The following NCCRP1 variants were observed in gnomAD, a reference collection of about 807,000 sequenced individuals.
NCCRP1 encodes F-box only protein 50.
In NCCRP1, 32 loss-of-function variants were observed where a neutral mutation model predicts 34.4. That is an observed-to-expected ratio of 0.93 (90% CI 0.70 to 1.25). NCCRP1 has a LOEUF of 1.25. NCCRP1 is among the 50% of genes most tolerant of loss of function. The pLI is 0.00. For synonymous variants in NCCRP1, 172 were observed against 180.1 expected, an observed-to-expected ratio of 0.95 and a Z score of 0.36; for missense variants, 372 against 391.8, an observed-to-expected ratio of 0.95 and a Z score of 0.43.
chr19:39,198,301 C>T (rs1186764659), intron 3 of NCCRP1, 48 bp downstream of exon 3: 2 of 1,595,304 alleles, frequency 1.3e-6, no homozygotes. Context: ...CCTGCTCCAC[C>T]CTTCCTCACT....
intron 3 of NCCRP1, among the ~76,000 whole-genome samples, chr19:39,198,751 G>T (rs1415682118): frequency 6.6e-6 from 1 of 152,070 alleles, no homozygotes; most frequent in Non-Finnish European, 1.5e-5. Context: ...GAGCCACCGC[G>T]CCTGGCTATT....
Position 39,199,277 on chromosome 19 carries a change from T to C in NCCRP1, c.548+12T>C. On this transcript the variant is annotated intron_variant, in intron 4 of 5. Transcript: ENST00000339852. Reference sequence around the variant, plus strand: ...ACGGTCATGGACTGGTGCGTGCCCCTCCCCTGCCAGCCTGACCCCGTGATC... The same window carrying C: ...ACGGTCATGGACTGGTGCGTGCCCCCCCCCTGCCAGCCTGACCCCGTGATC... 6.2e-7 allele frequency: 1 copy of C among 1,611,506 alleles called. No individual in the cohort carries two copies. The highest frequency in any genetic ancestry group is 2.2e-5 in the East Asian group (1 of 44,814).
In NCCRP1 at chr19:39,197,310, A is replaced by G. The variant is rs2074766797; in HGVS notation, c.328A>G (p.Asn110Asp). ...CTACCGCAACCTGCTGCGCTCGCCCAACCCCGAAGGTGCGCAAGGGCCCAG... is the reference window on the plus strand; with the variant it reads ...CTACCGCAACCTGCTGCGCTCGCCCGACCCCGAAGGTGCGCAAGGGCCCAG... The part of the protein sequence containing the change: ...PLYRNLLRSP[N>D]PEGINIYEPA... The change falls in exon 1 of 6, where the codon AAC becomes GAC. Residue 110 changes from asparagine to aspartate, a missense_variant. By Grantham distance (23) the Asn-to-Asp change is conservative (BLOSUM62 1). Coordinates refer to ENST00000339852, the MANE Select transcript of NCCRP1 (RefSeq NM_001001414.2). The G allele has an allele frequency of 6.1e-6, 9 of 1,467,342 alleles. No homozygotes were observed. The highest frequency in any genetic ancestry group is 8.0e-6 in the Non-Finnish European group (9 of 1,120,868). 90.9% of individuals were successfully genotyped at this position (1,467,342 alleles called of 1,614,324 possible).
At chr19:39,198,679 G>A (rs575913799) in intron 3 of NCCRP1, among the ~76,000 whole-genome samples, 2 of 152,066 alleles carry the variant, frequency 1.3e-5, no homozygotes, top group Non-Finnish European at 2.9e-5. Context: ...GGCTGGTCTC[G>A]AACTCCTCAC....
chr19:39,198,508 G>A (rs2074772899), intron 3 of NCCRP1, among the ~76,000 whole-genome samples: 2 of 152,176 alleles, frequency 1.3e-5, no homozygotes, highest in African/African-American at 4.8e-5. Context: ...TGCCCAGACT[G>A]GAGTGCAGTG....
At chr19:39,198,306 C>T (rs2074772140) in intron 3 of NCCRP1, 53 bp downstream of exon 3, 1 of 1,589,064 alleles carries the variant, frequency 6.3e-7, no homozygotes, top group Non-Finnish European at 8.6e-7. Context: ...TCCACCCTTC[C>T]TCACTGTGAG....
At position 39,197,362 on chromosome 19, in the gene NCCRP1, G is replaced by A. The variant is rs1359963701; in HGVS notation, c.337+43G>A. On this transcript the variant is annotated intron_variant, in intron 1 of 5. Coordinates refer to ENST00000339852, the MANE Select transcript of NCCRP1 (RefSeq NM_001001414.2). ...GCAGCCAGGAGGCACCACCCTGACC[G>A]TCTGTCTCTTCCTCTTTCCCTGTTT... 8.1e-6 allele frequency: 11 copies of A among 1,364,558 alleles called. No individual in the cohort carries two copies. In the South Asian group the frequency reaches 1.5e-4, roughly 18 times the overall value. The allele number at this position is 1,364,558 out of a possible 1,614,324, so 84.5% of individuals were successfully genotyped here. A position where few individuals can be genotyped will look rare whatever the true frequency, so the allele number is the denominator to read the frequency against.
rs758909469 is a variant in NCCRP1 at position 39,198,211 on chromosome 19, G to A, written c.410G>A (p.Arg137His). 9 of 1,614,020 alleles carry A rather than the reference G, an allele frequency of 5.6e-6. No individual in the cohort carries two copies. The highest frequency in any genetic ancestry group is 2.2e-5 in the South Asian group (2 of 91,090). ...QRPLETLGNFRGWYIRTEKLQ... is the reference protein window; with the variant it reads ...QRPLETLGNFHGWYIRTEKLQ... The stretch of plus-strand genomic sequence containing the variant: ...GCTCCCCAACCTGCAGGCAATTTCC[G>A]TGGCTGGTACATTAGAACTGAAAAG... Residue 137 changes from arginine to histidine, a missense_variant, in exon 3 of 6, where the codon CGT becomes CAT. Transcript: ENST00000339852.
intron 4 of NCCRP1, among the ~76,000 whole-genome samples, chr19:39,199,751 G>T (rs2074779972): frequency 6.6e-6 from 1 of 151,944 alleles, no homozygotes; most frequent in Non-Finnish European, 1.5e-5. Context: ...GACATCAAGT[G>T]ATCTGCCTGC....
At chr19:39,199,376 G>C in intron 4 of NCCRP1, 111 bp downstream of exon 4, 3 of 925,542 alleles carry the variant, frequency 3.2e-6, no homozygotes, top group East Asian at 2.6e-5. Flanking sequence ...GACCCTCCTG[G>C]TGCTACAGGG....
intron 3 of NCCRP1, 89 bp downstream of exon 3, chr19:39,198,342 C>T (rs1320457908): frequency 1.8e-5 from 25 of 1,370,508 alleles, no homozygotes; most frequent in Non-Finnish European, 1.0e-6. Flanking sequence ...CTTGGCCTCT[C>T]TGGACCTCCA....
chr19:39,198,937 T>C (rs2074774742), intron 3 of NCCRP1, among the ~76,000 whole-genome samples: 1 of 152,154 alleles, frequency 6.6e-6, no homozygotes, highest in East Asian at 1.9e-4. Context: ...ACATGTTTGC[T>C]GCTTGACCTT....
In NCCRP1 at chr19:39,200,604, C is replaced by T. The variant is rs762567731; in HGVS notation, c.688-12C>T. The T allele has an allele frequency of 1.2e-6, 2 of 1,613,744 alleles. No individual in the cohort carries two copies. The highest frequency in any genetic ancestry group is 1.7e-6 in the Non-Finnish European group (2 of 1,179,874). On this transcript the variant is annotated splice_polypyrimidine_tract_variant and intron_variant, in intron 5 of 5. Coordinates refer to ENST00000339852, the MANE Select transcript of NCCRP1 (RefSeq NM_001001414.2). The surrounding 1 kb of genome is among the most constrained non-coding windows in gnomAD (Gnocchi z 5.8). ...AAGGGCTCCTCCCTAACCCCAGGTG[C>T]TGTCACCACAGGTGTCCCACGTATT...
chr19:39,199,082 A>G, intron 3 of NCCRP1, 88 bp from the exon 4 acceptor site: 1 of 1,257,254 alleles, frequency 8.0e-7, no homozygotes, highest in South Asian at 1.2e-5. Flanking sequence ...GACCCAAGCT[A>G]TCCCTAAGAA....
At position 39,200,918 on chromosome 19, in the gene NCCRP1, C is replaced by T; in HGVS notation, c.*162C>T. ...GCGGTGGACTCCAGCATTTTCCCAG[C>T]ACTGTCTGAGCCCCATGAGGGCGGA... On this transcript the variant is annotated 3_prime_UTR_variant, in exon 6 of 6. Transcript: ENST00000339852. The surrounding 1 kb of genome is among the most constrained non-coding windows in gnomAD (Gnocchi z 5.8). 1.1e-6 allele frequency: 1 copy of T among 871,080 alleles called. No homozygotes were observed. The highest frequency in any genetic ancestry group is 1.7e-6 in the Non-Finnish European group (1 of 578,058). 54.0% of individuals were successfully genotyped at this position (871,080 alleles called of 1,614,324 possible).
rs371817654 is a variant in NCCRP1, at chr19:39,197,413, T to A, written c.337+94T>A. 119 of 1,078,050 alleles carry A rather than the reference T, an allele frequency of 1.1e-4. No homozygotes were observed. The East Asian group carries it at 3.4e-3, about 31-fold the overall frequency. 66.8% of individuals were successfully genotyped at this position (1,078,050 alleles called of 1,614,324 possible). A position where few individuals can be genotyped will look rare whatever the true frequency, so the allele number is the denominator to read the frequency against. ...CCTTATCTCTCTACCTCTTTGTCTCTCTCTGTCTATGCATTTCTCTGCATC... is the reference window on the plus strand; with the variant it reads ...CCTTATCTCTCTACCTCTTTGTCTCACTCTGTCTATGCATTTCTCTGCATC... On this transcript the variant is annotated intron_variant, in intron 1 of 5. Coordinates refer to ENST00000339852, the MANE Select transcript of NCCRP1 (RefSeq NM_001001414.2).
intron 4 of NCCRP1, among the ~76,000 whole-genome samples, chr19:39,199,498 C>CTTTTTTTTTTCTTTTTTTTTTT (rs1426764949): frequency 1.2e-5 from 1 of 81,308 alleles, no homozygotes; most frequent in Non-Finnish European, 2.8e-5. Context: ...TTTTTTTTTT[C>CTTTTTTTTTTCTTTTTTTTTTT]TTTTTTCTTT....
In NCCRP1 at chr19:39,200,714, A is replaced by C. The variant is rs1357361308; in HGVS notation, c.786A>C (p.Thr262=). 1 of 1,613,668 alleles carries C rather than the reference A, an allele frequency of 6.2e-7. No individual in the cohort carries two copies. Among genetic ancestry groups the C allele is most frequent in the African/African-American group, 1.3e-5 (1 of 75,050 alleles). The stretch of plus-strand genomic sequence containing the variant: ...TGGAGCCTGGTGGGCTGCGGCGGAC[A>C]CGGGTGACCGACTCCTCCGTGTCTG... ...NRMEPGGLRR[T]RVTDSSVSVQ... Residue 262 remains threonine (T), a synonymous_variant, in exon 6 of 6, where the codon ACA becomes ACC. Transcript: ENST00000339852. The surrounding 1 kb of genome is among the most constrained non-coding windows in gnomAD (Gnocchi z 5.8).
rs1362307505 is a variant in NCCRP1, at chr19:39,201,760, CA to C, written c.*1007del. The stretch of plus-strand genomic sequence containing the variant: ...AGAGCCCACAAACCCAGGCATCTAT[CA>C]AAGTCCCTCATTCATGAGGGTGGTG... On this transcript the variant is annotated 3_prime_UTR_variant, in exon 6 of 6. Transcript: ENST00000339852. The C allele has an allele frequency of 6.6e-6, 1 of 152,228 alleles. No individual in the cohort carries two copies. Among genetic ancestry groups the C allele is most frequent in the Non-Finnish European group, 1.5e-5 (1 of 68,062 alleles). 9.4% of individuals were successfully genotyped at this position (152,228 alleles called of 1,614,324 possible). A position where few individuals can be genotyped will look rare whatever the true frequency, so the allele number is the denominator to read the frequency against.
Sources: allele counts gnomAD v4.1 joint callset (sites outside exome capture counted in the v4.1 genomes callset), GRCh38; gene constraint gnomAD v4.1.1; non-coding constraint Gnocchi (gnomAD v3.1); transcripts MANE v1.5; gene names NCBI Gene and HGNC (gene_info 2026-07-23, HGNC 2026-07-21).